Variants in GABRA1 observed in about 807,000 individuals in gnomAD.
The protein encoded by GABRA1 is gamma-aminobutyric acid type A receptor subunit alpha1, also known as gamma-aminobutyric acid receptor subunit alpha-1.
In GABRA1, 9 loss-of-function variants were observed where a neutral mutation model predicts 48.9. The observed-to-expected ratio is 0.18, with a 90% CI of 0.11 to 0.32. GABRA1 has a LOEUF of 0.32. Ranked by LOEUF, GABRA1 falls within the 10% of genes least tolerant of loss-of-function variation. The pLI is 1.00. For synonymous variants in GABRA1, 210 were observed against 198.7 expected, an observed-to-expected ratio of 1.06 and a Z score of -0.48; for missense variants, 285 against 553.8, an observed-to-expected ratio of 0.51 and a Z score of 4.87.
intron 3 of GABRA1, among the ~76,000 whole-genome samples, chr5:161,858,016 A>G (rs1300817307): frequency 6.6e-6 from 1 of 151,448 alleles, no homozygotes; most frequent in Non-Finnish European, 1.5e-5. Flanking sequence ...AAAAGAGGAT[A>G]GAAAATAAAG....
At chr5:161,848,972 AG>A (rs1176838673) in intron 1 of GABRA1, 13 of 455,384 alleles carry the variant, frequency 2.9e-5, no homozygotes, top group African/African-American at 1.0e-4. Context: ...CCTCTTGTGT[AG>A]GGGTCTCTCC....
chr5:161,868,964 A>G (rs1035664735), intron 4 of GABRA1, among the ~76,000 whole-genome samples: 9 of 152,200 alleles, frequency 5.9e-5, no homozygotes, highest in African/African-American at 1.9e-4. Context: ...ACCTCTGAAC[A>G]AGACAATGTT....
intron 5 of GABRA1, among the ~76,000 whole-genome samples, chr5:161,874,898 A>C (rs578234331): frequency 6.6e-6 from 1 of 152,146 alleles, no homozygotes; most frequent in South Asian, 2.1e-4. Flanking sequence ...AAAACAAAAC[A>C]AAACAAGAAT....
At chr5:161,852,494 C>G (rs1156387710) in intron 2 of GABRA1, among the ~76,000 whole-genome samples, 1 of 151,938 alleles carries the variant, frequency 6.6e-6, no homozygotes, top group African/African-American at 2.4e-5. Flanking sequence ...GATGACCTTC[C>G]AGCATCCTTG....
intron 4 of GABRA1, among the ~76,000 whole-genome samples, chr5:161,866,852 T>C (rs552295797): frequency 6.6e-6 from 1 of 152,108 alleles, no homozygotes; most frequent in African/African-American, 2.4e-5. Context: ...ATATGCCAAC[T>C]GGACAAAGAA....
intron 3 of GABRA1, among the ~76,000 whole-genome samples, chr5:161,856,449 A>T (rs1316797105): frequency 6.6e-6 from 1 of 151,368 alleles, no homozygotes; most frequent in Non-Finnish European, 1.5e-5. Context: ...GGACTTGAGA[A>T]AATTAACAGT....
At chr5:161,860,303 TC>T (rs1362414049) in intron 3 of GABRA1, among the ~76,000 whole-genome samples, 2 of 151,856 alleles carry the variant, frequency 1.3e-5, no homozygotes, top group Non-Finnish European at 2.9e-5. Flanking sequence ...GCCAATATTT[TC>T]CTGAGATAAA....
chr5:161,880,907 G>A (rs747213491), intron 6 of GABRA1, among the ~76,000 whole-genome samples: 1 of 152,190 alleles, frequency 6.6e-6, no homozygotes, highest in Non-Finnish European at 1.5e-5. Context: ...GGTTATTTAA[G>A]TGGGGATTGG....
chr5:161,855,941 G>A (rs756287897), intron 3 of GABRA1, among the ~76,000 whole-genome samples: 2 of 151,136 alleles, frequency 1.3e-5, no homozygotes, highest in African/African-American at 2.4e-5. Context: ...ACAGATTTGT[G>A]CATCATCTTC....
rs72819308 is a variant in GABRA1, at chr5:161,872,916, A to T, written c.256-201A>T. On this transcript the variant is annotated intron_variant, in intron 4 of 9. Transcript: ENST00000393943. Reference sequence around the variant, plus strand: ...AAAAAATATGTCAGGCATTTTAGATATTTTTTTTAAAAAATCATTACACCA... The same window carrying T: ...AAAAAATATGTCAGGCATTTTAGATTTTTTTTTTAAAAAATCATTACACCA... 122,667 of 561,286 alleles carry T rather than the reference A, an allele frequency of 0.22. 14,204 individuals carry two copies. Among genetic ancestry groups the T allele is most frequent in the Middle Eastern group, 0.27 (551 of 2,044 alleles). The allele number at this position is 561,286 out of a possible 1,614,324, so 34.8% of individuals were successfully genotyped here.
chr5:161,862,989 T>G (rs1054822315), intron 3 of GABRA1, among the ~76,000 whole-genome samples: 5 of 151,826 alleles, frequency 3.3e-5, no homozygotes, highest in Non-Finnish European at 5.9e-5. Flanking sequence ...TTTACTACTC[T>G]GCTTTTCTCA....
At chr5:161,895,211 C>CA (rs1304214932) in intron 8 of GABRA1, among the ~76,000 whole-genome samples, 1 of 152,002 alleles carries the variant, frequency 6.6e-6, no homozygotes, top group African/African-American at 2.4e-5. Flanking sequence ...TATAAATTAT[C>CA]AAAAAGTCAT....
chr5:161,888,363 A>G (rs996253433), intron 7 of GABRA1, among the ~76,000 whole-genome samples: 2 of 152,186 alleles, frequency 1.3e-5, no homozygotes, highest in African/African-American at 4.8e-5. Context: ...TTAAAATTGT[A>G]TTTAATTTAG....
At chr5:161,876,366 T>C (rs988406886) in intron 6 of GABRA1, among the ~76,000 whole-genome samples, 1 of 152,152 alleles carries the variant, frequency 6.6e-6, no homozygotes, top group Non-Finnish European at 1.5e-5. Context: ...CTGGTTTACA[T>C]GCATGGAGTG....
chr5:161,852,115 TA>T (rs1361842243), intron 2 of GABRA1, among the ~76,000 whole-genome samples: 2 of 152,010 alleles, frequency 1.3e-5, no homozygotes, highest in African/African-American at 4.8e-5. Context: ...GAAATGTCAT[TA>T]AAAAATCACG....
In GABRA1 at chr5:161,870,963, T is replaced by C. The variant is rs1252734090; in HGVS notation, c.256-2154T>C. Among the ~76,000 whole-genome samples, 6 of 72,208 alleles carry C rather than the reference T, an allele frequency of 8.3e-5. No homozygotes were observed. The East Asian group carries it at 1.8e-3, about 22-fold the overall frequency. The allele number at this position is 72,208 out of a possible 152,430, so 47.4% of individuals were successfully genotyped here. A position where few individuals can be genotyped will look rare whatever the true frequency, so the allele number is the denominator to read the frequency against. On this transcript the variant is annotated intron_variant, in intron 4 of 9. Coordinates refer to ENST00000393943, the MANE Select transcript of GABRA1 (RefSeq NM_001127644.2). ...GTGTTGCTCTGTGTGTGTGTGTGTG[T>C]GTGTGTGTGTGTGTGTGTGTGTGTG...
chr5:161,865,910 T>A (rs1167703661), intron 4 of GABRA1, 122 bp downstream of exon 4: 1 of 768,144 alleles, frequency 1.3e-6, no homozygotes, highest in African/African-American at 1.8e-5. Context: ...TTTTGTGTCT[T>A]TCTGTGTGTA....
At chr5:161,883,873 G>A (rs1045810874) in intron 7 of GABRA1, among the ~76,000 whole-genome samples, 8 of 151,714 alleles carry the variant, frequency 5.3e-5, no homozygotes, top group African/African-American at 1.9e-4. Flanking sequence ...AAATGTTTAT[G>A]TGTTTTATTT....
chr5:161,875,111 G>GTGC (rs1252934026), intron 5 of GABRA1, among the ~76,000 whole-genome samples: 1 of 152,110 alleles, frequency 6.6e-6, no homozygotes, highest in African/African-American at 2.4e-5. Flanking sequence ...TATGCATTTG[G>GTGC]TGCTATTTTA....
Sources: gnomAD v4.1 joint callset for allele counts (sites outside exome capture counted in the v4.1 genomes callset) on GRCh38, gnomAD v4.1.1 for gene constraint, MANE v1.5 for transcripts, NCBI Gene and HGNC (gene_info 2026-07-23, HGNC 2026-07-21) for gene names.